The following FAM171A1 variants were observed in gnomAD, a reference collection of about 807,000 sequenced individuals.
The protein encoded by FAM171A1 is protein FAM171A1.
A neutral mutation model predicts 74.9 loss-of-function variants in FAM171A1; 23 were observed. The ratio of observed to expected loss-of-function variants is 0.31; its 90% confidence interval spans 0.22 to 0.44. The LOEUF (loss-of-function observed/expected upper bound fraction) is 0.44, where lower values mean the gene tolerates loss of function less well. Ranked by LOEUF, FAM171A1 falls within the 20% of genes least tolerant of loss-of-function variation. FAM171A1 has a pLI of 1.00. For missense variants in FAM171A1, 1,162 were observed against 1,159.2 expected, an observed-to-expected ratio of 1.00 and a Z score of -0.03; for synonymous variants, 527 against 505.7, an observed-to-expected ratio of 1.04 and a Z score of -0.57.
At chr10:15,242,208 GATTTTTTATTTAACTAAAAT>G (rs1481706644) in intron 5 of FAM171A1, among the ~76,000 whole-genome samples, 5 of 151,996 alleles carry the variant, frequency 3.3e-5, no homozygotes, top group Non-Finnish European at 7.4e-5. Flanking sequence ...ACCGTCTTTA[GATTTTTTATTTAACTAAAAT>G]ATTTTAATTT....
intron 3 of FAM171A1, among the ~76,000 whole-genome samples, chr10:15,269,525 T>A (rs528903272): frequency 4.7e-4 from 72 of 152,220 alleles, no homozygotes; most frequent in African/African-American, 1.7e-3. Context: ...CCTCAAACCT[T>A]CTTTGTGAGC....
chr10:15,261,060 T>A (rs192545516), intron 3 of FAM171A1, among the ~76,000 whole-genome samples: 2 of 152,246 alleles, frequency 1.3e-5, no homozygotes, highest in African/African-American at 2.4e-5. Context: ...TCTCTTTGTC[T>A]CTTTCTGTGT....
intron 1 of FAM171A1, 51 bp downstream of exon 1, chr10:15,370,905 C>G (rs1176460367): frequency 1.1e-6 from 1 of 925,206 alleles, no homozygotes; most frequent in Non-Finnish European, 1.3e-6. Context: ...GCCGCCTCCG[C>G]GCCAGGCCCG....
intron 1 of FAM171A1, among the ~76,000 whole-genome samples, chr10:15,309,736 C>T (rs537044357): frequency 3.3e-5 from 5 of 152,364 alleles, no homozygotes; most frequent in Admixed American, 3.3e-4. Context: ...CTTCTAAAGA[C>T]TTTCCTCAGG....
At chr10:15,308,004 G>C (rs999059726) in intron 1 of FAM171A1, among the ~76,000 whole-genome samples, 1 of 151,964 alleles carries the variant, frequency 6.6e-6, no homozygotes, top group Non-Finnish European at 1.5e-5. Flanking sequence ...TAGAGATGAG[G>C]TCTAGCTATG....
At chr10:15,305,902 T>C (rs979821848) in intron 1 of FAM171A1, among the ~76,000 whole-genome samples, 1 of 152,052 alleles carries the variant, frequency 6.6e-6, no homozygotes, top group African/African-American at 2.4e-5. Context: ...GGGACAGACA[T>C]AGGAGGAAGA....
chr10:15,338,889 C>A (rs1352928024), intron 1 of FAM171A1, among the ~76,000 whole-genome samples: 1 of 152,252 alleles, frequency 6.6e-6, no homozygotes, highest in South Asian at 2.1e-4. Flanking sequence ...CACAGGCATG[C>A]GCCACCACGC....
chr10:15,284,589 A>G (rs1270666609), intron 1 of FAM171A1, among the ~76,000 whole-genome samples: 1 of 152,034 alleles, frequency 6.6e-6, no homozygotes, highest in East Asian at 1.9e-4. Flanking sequence ...CACTGAGCTA[A>G]TTTTTGTAGA....
intron 1 of FAM171A1, among the ~76,000 whole-genome samples, chr10:15,331,636 C>T (rs1053975507): frequency 2.6e-5 from 4 of 151,788 alleles, no homozygotes; most frequent in Admixed American, 6.6e-5. Flanking sequence ...CCAGCAGCCA[C>T]TCCTTATCCC....
chr10:15,299,232 T>C (rs186150315), intron 1 of FAM171A1, among the ~76,000 whole-genome samples: 1 of 152,322 alleles, frequency 6.6e-6, no homozygotes, highest in Non-Finnish European at 1.5e-5. Context: ...TTTGTTGATA[T>C]TTTAAATTTT....
chr10:15,353,355 T>C (rs939328376), intron 1 of FAM171A1, among the ~76,000 whole-genome samples: 2 of 152,212 alleles, frequency 1.3e-5, no homozygotes, highest in African/African-American at 4.8e-5. Flanking sequence ...ATAACACGCA[T>C]ACATTTTTCT....
At chr10:15,345,671 G>A (rs1469487832) in intron 1 of FAM171A1, among the ~76,000 whole-genome samples, 2 of 152,176 alleles carry the variant, frequency 1.3e-5, no homozygotes, top group Non-Finnish European at 1.5e-5. Context: ...CTGGTGCAAA[G>A]GAGATGCTCT....
intron 1 of FAM171A1, among the ~76,000 whole-genome samples, chr10:15,307,646 CAAAAAAAAA>C (rs560861841): frequency 1.3e-4 from 12 of 93,158 alleles, no homozygotes; most frequent in Admixed American, 8.2e-4. Context: ...AACTCCATTT[CAAAAAAAAA>C]AAAAAAAAAA....
intron 2 of FAM171A1, among the ~76,000 whole-genome samples, chr10:15,278,727 T>C (rs12259166): frequency 6.6e-6 from 1 of 151,950 alleles, no homozygotes; most frequent in African/African-American, 2.4e-5. Context: ...GAGGGTAGAT[T>C]AGTGGTTGCC....
rs148829329 is a variant in FAM171A1 at position 15,214,234 on chromosome 10, T to C, written c.1354A>G (p.Thr452Ala). The change falls in exon 8 of 8, where the codon ACG (threonine) becomes GCG (alanine). Residue 452 changes from threonine (T) to alanine (A), a missense_variant. Physicochemically the swap from Thr to Ala is moderately conservative, Grantham distance 58. Coordinates refer to ENST00000378116, the MANE Select transcript of FAM171A1 (RefSeq NM_001010924.2). ...ISFDNLTPSG[T>A]LGKDYHKSVE... Reference sequence around the variant, plus strand: ...GACTTATGGTAGTCTTTCCCCAGCGTCCCACTTGGAGTGAGGTTATCAAAG... The same window carrying C: ...GACTTATGGTAGTCTTTCCCCAGCGCCCCACTTGGAGTGAGGTTATCAAAG... 1.2e-4 allele frequency: 192 copies of C among 1,614,020 alleles called. No homozygotes were observed. The highest frequency in any genetic ancestry group is 1.6e-4 in the Non-Finnish European group (191 of 1,180,018).
chr10:15,357,879 T>C (rs527960495), intron 1 of FAM171A1, among the ~76,000 whole-genome samples: 2 of 152,304 alleles, frequency 1.3e-5, no homozygotes, highest in Non-Finnish European at 2.9e-5. Context: ...TTTCATGAGA[T>C]AAACTGGAAA....
At chr10:15,296,224 T>C (rs1457259366) in intron 1 of FAM171A1, among the ~76,000 whole-genome samples, 1 of 152,196 alleles carries the variant, frequency 6.6e-6, no homozygotes, top group African/African-American at 2.4e-5. Flanking sequence ...ATAGTGCACA[T>C]GCACCTTGTA....
intron 2 of FAM171A1, 89 bp downstream of exon 2, chr10:15,283,789 T>C: frequency 7.6e-7 from 1 of 1,309,978 alleles, no homozygotes; most frequent in Non-Finnish European, 1.1e-6. Flanking sequence ...CTCACTATGT[T>C]GCCCAAGCTG....
chr10:15,372,327 T>C (rs1836160068), upstream of FAM171A1, among the ~76,000 whole-genome samples: 1 of 152,164 alleles, frequency 6.6e-6, no homozygotes, highest in South Asian at 2.1e-4. Context: ...CAAAAGTGCA[T>C]ACCTGGTCAG....
Sources: allele counts gnomAD v4.1 joint callset (sites outside exome capture counted in the v4.1 genomes callset), GRCh38; gene constraint gnomAD v4.1.1; transcripts MANE v1.5; gene names NCBI Gene and HGNC (gene_info 2026-07-23, HGNC 2026-07-21).